The following CMYA5 variants were observed in gnomAD, a reference collection of about 807,000 sequenced individuals.
CMYA5 encodes cardiomyopathy-associated protein 5.
In CMYA5, 246 loss-of-function variants were observed where a neutral mutation model predicts 318.9. The ratio of observed to expected loss-of-function variants is 0.77; its 90% CI spans 0.70 to 0.86. The LOEUF (loss-of-function observed/expected upper bound fraction) is 0.86, where lower values mean the gene tolerates loss of function less well. CMYA5 is among the 40% of genes least tolerant of loss of function. CMYA5 has a pLI of 0.00. For synonymous variants in CMYA5, 1,641 were observed against 1,729.5 expected, an observed-to-expected ratio of 0.95 and a Z score of 1.27; for missense variants, 4,589 against 4,678.2, an observed-to-expected ratio of 0.98 and a Z score of 0.56.
At chr5:79,712,985 C>T (rs1827427713) in intron 1 of CMYA5, among the ~76,000 whole-genome samples, 1 of 152,208 alleles carries the variant, frequency 6.6e-6, no homozygotes, top group East Asian at 1.9e-4. Flanking sequence ...TATTCAGTAG[C>T]TGTTGAAGAA....
intron 1 of CMYA5, among the ~76,000 whole-genome samples, chr5:79,704,003 G>A (rs1379636000): frequency 6.6e-6 from 1 of 151,968 alleles, no homozygotes; most frequent in Non-Finnish European, 1.5e-5. Flanking sequence ...GAGGTGGGAG[G>A]ACGATTTGAA....
At position 79,731,367 on chromosome 5, in the gene CMYA5, C is replaced by T. The variant is rs550342562; in HGVS notation, c.2602C>T (p.Gln868Ter). 6.2e-7 allele frequency: 1 copy of T among 1,613,940 alleles called. No individual in the cohort carries two copies. Among genetic ancestry groups the T allele is most frequent in the Admixed American group, 1.7e-5 (1 of 60,014 alleles). ...PHTTEMTSEC[Q>*]APPLSATPSE... ...CACAACCGAGATGACTTCTGAATGC[C>T]AGGCCCCACCACTTTCAGCCACCCC... Residue 868 changes from glutamine (Q) to a stop codon, truncating the protein, a stop_gained, in exon 2 of 13, where the codon CAG (glutamine) becomes TAG (stop). Transcript: ENST00000446378. LOFTEE classifies it high-confidence loss of function.
rs1183475832 is a variant in CMYA5, at chr5:79,733,646, G to T, written c.4881G>T (p.Lys1627Asn). ...ELSLEPEKKD[K>N]PHQPLELPNA... ...CTTTGGAACCTGAGAAGAAAGACAA[G>T]CCACACCAACCGTTGGAATTACCAA... is the stretch of plus-strand genomic sequence containing the variant. Residue 1627 changes from lysine to asparagine, a missense_variant, in exon 2 of 13, where the codon AAG becomes AAT. Coordinates refer to ENST00000446378, the MANE Select transcript of CMYA5 (RefSeq NM_153610.5). The T allele has an allele frequency of 2.5e-6, 4 of 1,613,898 alleles. No homozygotes were observed. In the Admixed American group the frequency reaches 6.7e-5, roughly 27 times the overall value.
At chr5:79,797,745 C>A (rs1235639118) in intron 12 of CMYA5, among the ~76,000 whole-genome samples, 3 of 152,218 alleles carry the variant, frequency 2.0e-5, no homozygotes, top group African/African-American at 7.2e-5. Flanking sequence ...CCCTGACTTA[C>A]TTATCCACGT....
intron 5 of CMYA5, among the ~76,000 whole-genome samples, chr5:79,749,842 T>C (rs1436650441): frequency 6.6e-6 from 1 of 152,170 alleles, no homozygotes; most frequent in Non-Finnish European, 1.5e-5. Context: ...ACTGCTACCA[T>C]ACTACTTTAA....
Position 79,737,916 on chromosome 5 carries a change from G to C in CMYA5, c.9151G>C (p.Asp3051His). The stretch of plus-strand genomic sequence containing the variant: ...TCAGCCCACAATTCCCAGTGAAGAG[G>C]ATTATTTTGAAAAATATACTTTGAT... ...FIQPTIPSEEDYFEKYTLIDY... is the reference protein window; with the variant it reads ...FIQPTIPSEEHYFEKYTLIDY... Residue 3051 changes from aspartate to histidine, a missense_variant, in exon 2 of 13, where the codon GAT (aspartate) becomes CAT (histidine). By Grantham distance (81) the Asp-to-His change is moderately conservative. This residue lies in a region of CMYA5 where 2,431 missense variants were observed against 2,495.1 expected (regional missense o/e 0.97). Coordinates refer to ENST00000446378, the MANE Select transcript of CMYA5 (RefSeq NM_153610.5). 6.2e-7 allele frequency: 1 copy of C among 1,606,296 alleles called. No homozygotes were observed. The highest frequency in any genetic ancestry group is 1.3e-5 in the African/African-American group (1 of 74,276).
chr5:79,763,723 G>A (rs993059355), intron 9 of CMYA5, among the ~76,000 whole-genome samples: 3 of 152,098 alleles, frequency 2.0e-5, no homozygotes, highest in Non-Finnish European at 4.4e-5. Flanking sequence ...GAAATGTGAC[G>A]CACTCTCACC....
intron 6 of CMYA5, among the ~76,000 whole-genome samples, chr5:79,755,002 T>C (rs12655366): frequency 0.11 from 16,711 of 152,250 alleles, 1,119 homozygotes; most frequent in East Asian, 0.27. Flanking sequence ...ACGTGAAACT[T>C]TTCCTCCTCT....
intron 9 of CMYA5, among the ~76,000 whole-genome samples, chr5:79,786,376 C>T (rs1225199579): frequency 6.6e-6 from 1 of 152,230 alleles, no homozygotes; most frequent in African/African-American, 2.4e-5. Context: ...AGTCAAATTT[C>T]TAATTGTCTT....
chr5:79,775,523 G>GAA (rs1828923014), intron 9 of CMYA5, among the ~76,000 whole-genome samples: 1 of 152,042 alleles, frequency 6.6e-6, no homozygotes, highest in Admixed American at 6.6e-5. Context: ...CAGCTAAAGA[G>GAA]AAAACAGGAG....
chr5:79,745,392 C>T lies in CMYA5; in HGVS notation c.10905C>T (p.Ala3635=), dbSNP rs1828300429. The T allele has an allele frequency of 6.2e-7, 1 of 1,613,786 alleles. No individual in the cohort carries two copies. Among genetic ancestry groups the T allele is most frequent in the Non-Finnish European group, 8.5e-7 (1 of 1,179,870 alleles). ...ACTTTCTGCAGAGCATGGACACTGCCAAAGACACCCTGGAGACCATCGTGA... is the reference window on the plus strand; with the variant it reads ...ACTTTCTGCAGAGCATGGACACTGCTAAAGACACCCTGGAGACCATCGTGA... The part of the protein sequence containing the change: ...MVHFLQSMDT[A]KDTLETIVRE... Residue 3635 remains alanine (A), a synonymous_variant, in exon 4 of 13, where the codon GCC becomes GCT. Transcript: ENST00000446378.
At chr5:79,790,126 G>A (rs544845407) in intron 10 of CMYA5, among the ~76,000 whole-genome samples, 29 of 152,314 alleles carry the variant, frequency 1.9e-4, no homozygotes, top group African/African-American at 5.3e-4. Flanking sequence ...CTTTTGCCTC[G>A]TTTGTAAGAT....
In CMYA5 at chr5:79,789,044, A is replaced by G. The variant is rs1488993456; in HGVS notation, c.11629A>G (p.Arg3877Gly). 1 of 1,613,962 alleles carries G rather than the reference A, an allele frequency of 6.2e-7. No individual in the cohort carries two copies. ...QPNDNYFFYV[R>G]AINAFGTSEQ... ...CAATGATAACTACTTTTTCTATGTG[A>G]GGGCCATCAATGCATTTGGGACAAG... The change falls in exon 10 of 13, where the codon AGG (arginine) becomes GGG (glycine). Residue 3877 changes from arginine to glycine, a missense_variant. Arg to Gly is a moderately radical substitution (Grantham distance 125). Around this residue, in one of 3 missense-constraint regions of CMYA5, gnomAD observed 2,431 missense variants for 2,495.1 expected, o/e 0.97. Transcript: ENST00000446378.
At chr5:79,756,810 A>T (rs1828538694) in intron 6 of CMYA5, among the ~76,000 whole-genome samples, 1 of 152,096 alleles carries the variant, frequency 6.6e-6, no homozygotes, top group Non-Finnish European at 1.5e-5. Context: ...AATCTCATAA[A>T]ATTTGGCCCA....
chr5:79,729,103 C>T lies in CMYA5; in HGVS notation c.338C>T (p.Thr113Ile), dbSNP rs1429779313. 1 of 1,613,380 alleles carries T rather than the reference C, an allele frequency of 6.2e-7. No homozygotes were observed. Among genetic ancestry groups the T allele is most frequent in the African/African-American group, 1.3e-5 (1 of 74,866 alleles). Residue 113 changes from threonine to isoleucine, a missense_variant, in exon 2 of 13, where the codon ACT (threonine) becomes ATT (isoleucine). Physicochemically the swap from Thr to Ile is moderately conservative, Grantham distance 89. Coordinates refer to ENST00000446378, the MANE Select transcript of CMYA5 (RefSeq NM_153610.5). ...GGTGTGTGTAGTCGGGAAGGGTCAA[C>T]TGTGAATTCTCCTCCTGGAAATGTT... ...TSGVCSREGS[T>I]VNSPPGNVSF...
chr5:79,737,640 C>T lies in CMYA5; in HGVS notation c.8875C>T (p.Pro2959Ser), dbSNP rs779199149. 1.9e-6 allele frequency: 3 copies of T among 1,613,516 alleles called. No homozygotes were observed. Among genetic ancestry groups the T allele is most frequent in the Non-Finnish European group, 2.5e-6 (3 of 1,179,724 alleles). Residue 2959 changes from proline (P) to serine (S), a missense_variant, in exon 2 of 13, where the codon CCG (proline) becomes TCG (serine). Transcript: ENST00000446378. The part of the protein sequence containing the change: ...EGCEILNIHA[P>S]AFISSIDQEE... ...CTGTGAGATATTGAATATTCATGCTCCGGCCTTTATTTCTTCAATCGATCA... is the reference window on the plus strand; with the variant it reads ...CTGTGAGATATTGAATATTCATGCTTCGGCCTTTATTTCTTCAATCGATCA...
Position 79,729,556 on chromosome 5 carries a change from AT to A in CMYA5, c.792del (p.Asp264GlufsTer6). On this transcript the variant is annotated frameshift_variant, in exon 2 of 13. Transcript: ENST00000446378. LOFTEE classifies it high-confidence loss of function. Reference protein sequence around the residue: ...IKEIHYRKGKDASISLEPDLD... With the variant: ...IKEIHYRKGKXASISLEPDLD... ...GAAATACATTATAGGAAAGGGAAAG[AT>A]GCATCCATTAGTCTAGAGCCAGATT... The A allele has an allele frequency of 6.2e-7, 1 of 1,613,482 alleles. No homozygotes were observed. The highest frequency in any genetic ancestry group is 8.5e-7 in the Non-Finnish European group (1 of 1,179,402).
intron 1 of CMYA5, among the ~76,000 whole-genome samples, chr5:79,716,038 G>A (rs1207324266): frequency 2.0e-5 from 3 of 152,150 alleles, no homozygotes; most frequent in Non-Finnish European, 2.9e-5. Context: ...GGTCTGATTA[G>A]GTCCATAGGT....
At position 79,689,842 on chromosome 5, in the gene CMYA5, A is replaced by AG. The variant is rs1402683620; in HGVS notation, c.-63dup. The stretch of plus-strand genomic sequence containing the variant: ...GGAGGGCAGGGGCCAGAGCAGTCGG[A>AG]GGGAGAACACCAGGCGCGGCGCGGG... On this transcript the variant is annotated 5_prime_UTR_variant, in exon 1 of 13. Transcript: ENST00000446378. The AG allele has an allele frequency of 3.2e-6, 2 of 617,226 alleles. No individual in the cohort carries two copies. Among genetic ancestry groups the AG allele is most frequent in the African/African-American group, 3.9e-5 (2 of 50,960 alleles). The allele number at this position is 617,226 out of a possible 1,614,324, so 38.2% of individuals were successfully genotyped here.
Sources: gnomAD v4.1 joint callset for allele counts (sites outside exome capture counted in the v4.1 genomes callset) on GRCh38, gnomAD v4.1.1 for gene constraint, gnomAD v4.1.1 regional missense constraint, MANE v1.5 for transcripts, NCBI Gene and HGNC (gene_info 2026-07-23, HGNC 2026-07-21) for gene names.